The following ABCC5 variants were observed in gnomAD, a reference collection of about 807,000 sequenced individuals.
ABCC5 encodes the protein ATP binding cassette subfamily C member 5, also known as ATP-binding cassette sub-family C member 5.
In ABCC5, 61 loss-of-function variants were observed where a neutral mutation model predicts 160.9. The observed-to-expected ratio is 0.38, with a 90% CI of 0.31 to 0.47. ABCC5 has a LOEUF of 0.47. Among genes scored for constraint, ABCC5 ranks in the 20% least tolerant of loss-of-function variants. ABCC5 has a pLI of 0.99. For synonymous variants in ABCC5, 666 were observed against 700.6 expected (o/e 0.95, Z 0.78); for missense variants, 1,308 against 1,813.3 (o/e 0.72, Z 5.06).
intron 2 of ABCC5, 49 bp from the exon 3 acceptor site, chr3:183,989,432 C>A: frequency 6.3e-7 from 1 of 1,593,702 alleles, no homozygotes; most frequent in Admixed American, 1.7e-5. Context: ...AATACACAGG[C>A]GAGAGGCAAA....
In ABCC5 at chr3:183,982,879, C is replaced by T; in HGVS notation, c.720G>A (p.Trp240Ter). The part of the protein sequence containing the change: ...IVRSWSLALT[W>*]ALNYRTGVRL... ...GGACACCGGTTCGGTAATTCAATGC[C>T]CAAGTCAGTGCAAGCGACCAAGACC... is the stretch of plus-strand genomic sequence containing the variant. The change falls in exon 6 of 30, where the codon TGG becomes TGA. Residue 240 changes from tryptophan (W) to a stop codon, truncating the protein, a stop_gained. Transcript: ENST00000334444. LOFTEE classifies it high-confidence loss of function. This position sits in a 1 kb window ranked among gnomAD's most constrained non-coding sequence, Gnocchi z 5.2. The T allele has an allele frequency of 6.2e-7, 1 of 1,614,188 alleles. No individual in the cohort carries two copies. Among genetic ancestry groups the T allele is most frequent in the Non-Finnish European group, 8.5e-7 (1 of 1,180,040 alleles).
Position 183,982,410 on chromosome 3 carries a change from T to C in ABCC5, c.999+41A>G. Reference sequence around the variant, plus strand: ...AACCCAATGGAAGTAACTCATCTCCTAAGGAGAAGCTGCCAGGATTCAGCT... The same window carrying C: ...AACCCAATGGAAGTAACTCATCTCCCAAGGAGAAGCTGCCAGGATTCAGCT... On this transcript the variant is annotated intron_variant, in intron 7 of 29. Transcript: ENST00000334444. This position sits in a 1 kb window ranked among gnomAD's most constrained non-coding sequence, Gnocchi z 5.2. The C allele has an allele frequency of 6.3e-7, 1 of 1,599,454 alleles. No homozygotes were observed. The highest frequency in any genetic ancestry group is 8.5e-7 in the Non-Finnish European group (1 of 1,172,472).
intron 22 of ABCC5, among the ~76,000 whole-genome samples, chr3:183,948,742 G>A (rs906494025): frequency 4.6e-5 from 7 of 151,520 alleles, no homozygotes; most frequent in South Asian, 4.2e-4. Context: ...CGCTCTTGTC[G>A]CCCAAGCTGG....
intron 17 of ABCC5, among the ~76,000 whole-genome samples, chr3:183,956,071 C>T (rs1423778621): frequency 2.8e-5 from 4 of 143,076 alleles, no homozygotes; most frequent in Non-Finnish European, 4.6e-5. Flanking sequence ...TATATCACAT[C>T]GGTTACATGC....
chr3:184,005,297 G>A (rs1047489972), intron 2 of ABCC5, among the ~76,000 whole-genome samples: 4 of 152,150 alleles, frequency 2.6e-5, no homozygotes, highest in Admixed American at 2.0e-4. Context: ...ACCTCCATGA[G>A]CAGGCTTTGG....
At chr3:183,923,733 G>A (rs1045395134) in intron 29 of ABCC5, among the ~76,000 whole-genome samples, 1 of 152,198 alleles carries the variant, frequency 6.6e-6, no homozygotes, top group Non-Finnish European at 1.5e-5. Flanking sequence ...CGTATCTTAT[G>A]TATGACAGAA....
At chr3:183,950,157 A>G in intron 20 of ABCC5, 32 bp from the exon 21 acceptor site, 1 of 1,579,552 alleles carries the variant, frequency 6.3e-7, no homozygotes, top group South Asian at 1.2e-5. Flanking sequence ...CAAGTGTCAG[A>G]TGGTTTGGAA....
At chr3:183,937,807 A>G in intron 26 of ABCC5, 94 bp downstream of exon 26, 1 of 1,385,552 alleles carries the variant, frequency 7.2e-7, no homozygotes, top group Admixed American at 2.0e-5. Flanking sequence ...TGGTGAGCTC[A>G]TGGTCCCAGG....
rs1713253128 is a variant in ABCC5 at position 183,932,305 on chromosome 3, A to C, written c.3855-3480T>G. 1.3e-5 allele frequency among the ~76,000 whole-genome samples: 2 copies of C among 152,182 alleles called. 1 individual carries two copies. Among genetic ancestry groups the C allele is most frequent in the South Asian group, 4.1e-4 (2 of 4,822 alleles). On this transcript the variant is annotated intron_variant, in intron 26 of 29. Coordinates refer to ENST00000334444, the MANE Select transcript of ABCC5 (RefSeq NM_005688.4). ...TGTTAAGAGTCAGATTAGGTGAAAAAAGTTAAGAGGAAAAAGTAGAGCAAA... is the reference window on the plus strand; with the variant it reads ...TGTTAAGAGTCAGATTAGGTGAAAACAGTTAAGAGGAAAAAGTAGAGCAAA...
At chr3:183,989,592 C>CT (rs10670556) in intron 2 of ABCC5, among the ~76,000 whole-genome samples, 39,058 of 145,430 alleles carry the variant, frequency 0.27, 5,415 homozygotes, top group Middle Eastern at 0.34. Flanking sequence ...AAACAGTTTT[C>CT]TTTTTTTTTT....
chr3:183,940,528 C>T (rs954828472), intron 25 of ABCC5, among the ~76,000 whole-genome samples: 1 of 149,876 alleles, frequency 6.7e-6, no homozygotes, highest in Admixed American at 6.6e-5. Context: ...CAGTTACTGG[C>T]CCCTTTCCCA....
At position 183,951,246 on chromosome 3, in the gene ABCC5, T is replaced by G. The variant is rs1258769264; in HGVS notation, c.2944+195A>C. 6.6e-6 allele frequency among the ~76,000 whole-genome samples: 1 copy of G among 152,248 alleles called. No individual in the cohort carries two copies. The highest frequency in any genetic ancestry group is 1.5e-5 in the Non-Finnish European group (1 of 68,040). On this transcript the variant is annotated intron_variant, in intron 20 of 29. Transcript: ENST00000334444. The surrounding 1 kb of genome is among the most constrained non-coding windows in gnomAD (Gnocchi z 4.7). ...ATGCCTCTGTTCAAAGCCTTTCTGC[T>G]AACTCAATTCATTGAATTTATTTTC...
At chr3:183,995,283 G>A (rs371069300) in intron 2 of ABCC5, among the ~76,000 whole-genome samples, 1 of 151,286 alleles carries the variant, frequency 6.6e-6, no homozygotes, top group South Asian at 2.1e-4. Flanking sequence ...GCAAAAGTTT[G>A]TAATTTTGAA....
rs866000907 is a variant in ABCC5 at position 184,009,886 on chromosome 3, T to G, written c.129+4378A>C. ...TTTAGGGGCAGGGTGTGGTGCCACA[T>G]GCCTGTAATCCCAGCACTTTGGGAG... On this transcript the variant is annotated intron_variant, in intron 2 of 29. Coordinates refer to ENST00000334444, the MANE Select transcript of ABCC5 (RefSeq NM_005688.4). The G allele has an allele frequency of 7.5e-4, 269 of 358,112 alleles. 5 individuals are homozygous for G. Among genetic ancestry groups the G allele is most frequent in the South Asian group, 5.0e-3 (235 of 46,856 alleles). 22.2% of individuals were successfully genotyped at this position (358,112 alleles called of 1,614,324 possible). A position where few individuals can be genotyped will look rare whatever the true frequency, so the allele number is the denominator to read the frequency against.
At chr3:183,979,686 T>A (rs1718536950) in intron 8 of ABCC5, among the ~76,000 whole-genome samples, 1 of 151,950 alleles carries the variant, frequency 6.6e-6, no homozygotes, top group African/African-American at 2.4e-5. Context: ...GCTCAAGTGA[T>A]CCTCCCATCT....
At chr3:183,989,577 A>T (rs1313580046) in intron 2 of ABCC5, among the ~76,000 whole-genome samples, 194 bp from the exon 3 acceptor site, 4 of 142,318 alleles carry the variant, frequency 2.8e-5, no homozygotes, top group African/African-American at 8.1e-5. Context: ...ATATTTAAAA[A>T]TTTTAAACAG....
At position 183,987,710 on chromosome 3, in the gene ABCC5, T is replaced by C. The variant is rs757072752; in HGVS notation, c.591+60A>G. 1.3e-4 allele frequency: 213 copies of C among 1,607,834 alleles called. No individual in the cohort carries two copies. Among genetic ancestry groups the C allele is most frequent in the Non-Finnish European group, 1.8e-4 (207 of 1,176,514 alleles). ...CACAACCTCTGCAACAGAATAAGAGTGTTAGAGCTGGCCGTGGCCGGGCCC... is the reference window on the plus strand; with the variant it reads ...CACAACCTCTGCAACAGAATAAGAGCGTTAGAGCTGGCCGTGGCCGGGCCC... On this transcript the variant is annotated intron_variant, in intron 5 of 29. Transcript: ENST00000334444. The surrounding 1 kb of genome is among the most constrained non-coding windows in gnomAD (Gnocchi z 4.2).
At chr3:183,952,095 G>A in intron 18 of ABCC5, 92 bp from the exon 19 acceptor site, 1 of 1,420,586 alleles carries the variant, frequency 7.0e-7, no homozygotes, top group Non-Finnish European at 9.5e-7. Flanking sequence ...GCAGGGCAGG[G>A]TACAGGATAA....
chr3:184,007,283 G>C (rs766597247), intron 2 of ABCC5, among the ~76,000 whole-genome samples: 1 of 151,638 alleles, frequency 6.6e-6, no homozygotes, highest in Non-Finnish European at 1.5e-5. Context: ...GCCTCCCAAA[G>C]TGCTGAGATT....
Sources: gnomAD v4.1 joint callset for allele counts (sites outside exome capture counted in the v4.1 genomes callset) on GRCh38, gnomAD v4.1.1 for gene constraint, Gnocchi (gnomAD v3.1) non-coding constraint, MANE v1.5 for transcripts, NCBI Gene and HGNC (gene_info 2026-07-23, HGNC 2026-07-21) for gene names.